The following CTNNA3 variants were observed in gnomAD, a reference collection of about 807,000 sequenced individuals.
The protein encoded by CTNNA3 is catenin alpha-3.
CTNNA3 carries 76 observed loss-of-function variants against 95.7 expected under a neutral mutation model. That is an observed-to-expected ratio of 0.79 (90% CI 0.66 to 0.96). The LOEUF is 0.96. CTNNA3 is among the 40% of genes least tolerant of loss of function. The pLI is 0.00. For synonymous variants in CTNNA3, 431 were observed against 374.4 expected, an observed-to-expected ratio of 1.15 and a Z score of -1.74; for missense variants, 1,191 against 1,089.8, an observed-to-expected ratio of 1.09 and a Z score of -1.31.
chr10:66,390,729 C>T (rs1337142935), intron 11 of CTNNA3, among the ~76,000 whole-genome samples: 2 of 152,062 alleles, frequency 1.3e-5, no homozygotes, highest in Admixed American at 6.6e-5. Context: ...TTAATTGTTG[C>T]TTATCTATGT....
intron 1 of CTNNA3, among the ~76,000 whole-genome samples, chr10:67,735,444 TAATC>T (rs1330703850): frequency 3.3e-5 from 5 of 152,106 alleles, no homozygotes; most frequent in Non-Finnish European, 7.4e-5. Flanking sequence ...TAAGTTATAT[TAATC>T]AACAACAAAA....
intron 7 of CTNNA3, among the ~76,000 whole-genome samples, chr10:67,036,495 C>A (rs1310507733): frequency 6.6e-6 from 1 of 152,098 alleles, no homozygotes; most frequent in Non-Finnish European, 1.5e-5. Flanking sequence ...GAAACCCCGT[C>A]TCTACTAAAA....
chr10:67,732,222 C>A (rs1261248060), intron 1 of CTNNA3, among the ~76,000 whole-genome samples: 1 of 151,894 alleles, frequency 6.6e-6, no homozygotes, highest in Admixed American at 6.6e-5. Context: ...TGAGGTCGGG[C>A]CTTTTAGTGT....
At chr10:66,496,948 G>A (rs1213436218) in intron 11 of CTNNA3, among the ~76,000 whole-genome samples, 1 of 152,084 alleles carries the variant, frequency 6.6e-6, no homozygotes, top group Non-Finnish European at 1.5e-5. Flanking sequence ...CTCCTTGACT[G>A]ACAGATGGCT....
chr10:66,362,313 G>A (rs2092682074), intron 12 of CTNNA3, among the ~76,000 whole-genome samples: 1 of 151,366 alleles, frequency 6.6e-6, no homozygotes, highest in Admixed American at 6.6e-5. Context: ...ATGTTGGCCA[G>A]GATGGTCTCA....
intron 2 of CTNNA3, among the ~76,000 whole-genome samples, chr10:67,612,415 T>A (rs1843490309): frequency 6.6e-6 from 1 of 152,124 alleles, no homozygotes; most frequent in Non-Finnish European, 1.5e-5. Flanking sequence ...TAAGAACAGA[T>A]AATTTTCTAC....
At chr10:67,672,515 C>G (rs941541805) in intron 1 of CTNNA3, among the ~76,000 whole-genome samples, 2 of 152,104 alleles carry the variant, frequency 1.3e-5, no homozygotes, top group African/African-American at 4.8e-5. Context: ...AGTCTTTAAT[C>G]CATCTTGAAT....
intron 5 of CTNNA3, among the ~76,000 whole-genome samples, chr10:67,483,884 T>C (rs572856559): frequency 6.6e-6 from 1 of 151,804 alleles, no homozygotes; most frequent in Non-Finnish European, 1.5e-5. Context: ...TCAATATTAT[T>C]GAAATGGCCA....
chr10:66,333,773 C>T (rs1405732797), intron 12 of CTNNA3, among the ~76,000 whole-genome samples: 1 of 151,274 alleles, frequency 6.6e-6, no homozygotes, highest in East Asian at 1.9e-4. Flanking sequence ...AGTTCAATTC[C>T]TGGATATCCT....
chr10:66,312,300 T>G (rs550061869), intron 12 of CTNNA3, among the ~76,000 whole-genome samples: 59 of 152,276 alleles, frequency 3.9e-4, no homozygotes, highest in Non-Finnish European at 5.4e-4. Flanking sequence ...CATCTCACTA[T>G]GTAGTTAGGC....
At chr10:66,571,101 G>A (rs1345981907) in intron 10 of CTNNA3, among the ~76,000 whole-genome samples, 2 of 152,114 alleles carry the variant, frequency 1.3e-5, no homozygotes, top group Admixed American at 1.3e-4. Flanking sequence ...TTACTTCAAA[G>A]CATATACTAA....
At chr10:67,750,403 T>C (rs1841399657) in intron 1 of CTNNA3, 1 of 1,487,756 alleles carries the variant, frequency 6.7e-7, no homozygotes, top group Non-Finnish European at 9.4e-7. Context: ...ATGCAGGATA[T>C]CGCCACATTG....
At chr10:66,837,126 A>T (rs1842911777) in intron 7 of CTNNA3, among the ~76,000 whole-genome samples, 1 of 152,198 alleles carries the variant, frequency 6.6e-6, no homozygotes, top group Non-Finnish European at 1.5e-5. Context: ...CCTTTAAGAC[A>T]TTCTCTTGCC....
At chr10:67,354,409 A>G (rs1205714344) in intron 5 of CTNNA3, among the ~76,000 whole-genome samples, 1 of 152,082 alleles carries the variant, frequency 6.6e-6, no homozygotes, top group Admixed American at 6.6e-5. Context: ...AATGCTGCAA[A>G]TATCTTGGCT....
intron 7 of CTNNA3, among the ~76,000 whole-genome samples, chr10:66,824,102 G>GTCA (rs916115329): frequency 6.0e-5 from 9 of 149,490 alleles, no homozygotes; most frequent in African/African-American, 2.2e-4. Flanking sequence ...GTTAAGAAAT[G>GTCA]TCATGTTAAA....
chr10:66,472,973 T>C (rs925335348), intron 11 of CTNNA3, among the ~76,000 whole-genome samples: 1 of 151,984 alleles, frequency 6.6e-6, no homozygotes, highest in Non-Finnish European at 1.5e-5. Flanking sequence ...AGAAAAGAGA[T>C]CTGACACTTG....
intron 7 of CTNNA3, among the ~76,000 whole-genome samples, chr10:66,848,482 T>C (rs867064462): frequency 6.6e-6 from 1 of 152,148 alleles, no homozygotes; most frequent in Non-Finnish European, 1.5e-5. Flanking sequence ...ATCAGAGACA[T>C]GACCTAATTT....
chr10:66,324,338 C>A (rs945655404), intron 12 of CTNNA3, among the ~76,000 whole-genome samples: 4 of 151,984 alleles, frequency 2.6e-5, no homozygotes, highest in Admixed American at 2.0e-4. Flanking sequence ...AACAAACAAA[C>A]AAAAAAACCT....
At chr10:66,445,529 C>G (rs1464214677) in intron 11 of CTNNA3, among the ~76,000 whole-genome samples, 1 of 152,130 alleles carries the variant, frequency 6.6e-6, no homozygotes, top group African/African-American at 2.4e-5. Context: ...TCACTCAAAA[C>G]TGCTCAACTA....
Sources: allele counts gnomAD v4.1 joint callset (sites outside exome capture counted in the v4.1 genomes callset), GRCh38; gene constraint gnomAD v4.1.1; transcripts MANE v1.5; gene names NCBI Gene and HGNC (gene_info 2026-07-23, HGNC 2026-07-21).